The following PDGFC variants were observed in gnomAD, a reference collection of about 807,000 sequenced individuals.
PDGFC encodes the protein platelet derived growth factor C.
In PDGFC, 12 loss-of-function variants were observed where a neutral mutation model predicts 35.5. The observed-to-expected ratio is 0.34, with a 90% CI of 0.22 to 0.55. PDGFC has a LOEUF of 0.55. Ranked by LOEUF, PDGFC falls within the 20% of genes least tolerant of loss-of-function variation. The probability of loss-of-function intolerance (pLI) is 0.91; values close to 1 mark genes in which losing one functional copy is unlikely to be tolerated. For synonymous variants in PDGFC, 159 were observed against 148.8 expected (o/e 1.07, Z -0.50); for missense variants, 322 against 412.4 (o/e 0.78, Z 1.90).
At chr4:156,823,030 A>C (rs986026088) in intron 2 of PDGFC, among the ~76,000 whole-genome samples, 3 of 152,038 alleles carry the variant, frequency 2.0e-5, no homozygotes, top group African/African-American at 7.2e-5. Context: ...CACAGCACCC[A>C]GCCCAGAGCT....
intron 3 of PDGFC, among the ~76,000 whole-genome samples, chr4:156,785,819 C>G (rs1358564443): frequency 6.6e-6 from 1 of 152,120 alleles, no homozygotes; most frequent in Non-Finnish European, 1.5e-5. Flanking sequence ...GGTGCAAAGT[C>G]ACAGTGAGAT....
At chr4:156,773,567 A>G (rs1730744405) in intron 3 of PDGFC, 1 of 152,220 alleles carries the variant, frequency 6.6e-6, no homozygotes, top group Non-Finnish European at 1.5e-5. Flanking sequence ...AATGCAATGG[A>G]AGAAAAATGG....
At chr4:156,831,376 G>A (rs1728927557) in intron 2 of PDGFC, among the ~76,000 whole-genome samples, 1 of 151,802 alleles carries the variant, frequency 6.6e-6, no homozygotes, top group Admixed American at 6.6e-5. Flanking sequence ...GGGTGGCTGA[G>A]GCAGGAGGAT....
At chr4:156,889,569 A>C (rs1351071059) in intron 1 of PDGFC, among the ~76,000 whole-genome samples, 1 of 152,202 alleles carries the variant, frequency 6.6e-6, no homozygotes, top group African/African-American at 2.4e-5. Context: ...TATGATGACA[A>C]TACTGTAAGT....
At position 156,918,946 on chromosome 4, in the gene PDGFC, T is replaced by C. The variant is rs80176463; in HGVS notation, c.118+51840A>G. Among the ~76,000 whole-genome samples, 155 of 152,326 alleles carry C rather than the reference T, an allele frequency of 1.0e-3. 1 individual carries two copies. The East Asian group carries it at 0.023, about 23-fold the overall frequency. Reference sequence around the variant, plus strand: ...GGTATTATATTTAATTATATTGTACTATAATAAAGCTAACGCCAAAAAGTC... The same window carrying C: ...GGTATTATATTTAATTATATTGTACCATAATAAAGCTAACGCCAAAAAGTC... On this transcript the variant is annotated intron_variant, in intron 1 of 5. Coordinates refer to ENST00000502773, the MANE Select transcript of PDGFC (RefSeq NM_016205.3).
chr4:156,964,283 T>A (rs566510494), intron 1 of PDGFC, among the ~76,000 whole-genome samples: 86 of 151,712 alleles, frequency 5.7e-4, no homozygotes, highest in Middle Eastern at 3.4e-3. Flanking sequence ...CCTTCATCTA[T>A]ATACTTGCTT....
intron 1 of PDGFC, among the ~76,000 whole-genome samples, chr4:156,945,381 AT>A (rs1731921560): frequency 5.4e-5 from 7 of 128,500 alleles, no homozygotes; most frequent in African/African-American, 6.1e-5. Context: ...ATATATATAT[AT>A]ATATATATAA....
chr4:156,776,689 A>G (rs1373755666), intron 3 of PDGFC, among the ~76,000 whole-genome samples: 2 of 152,234 alleles, frequency 1.3e-5, no homozygotes, highest in Non-Finnish European at 2.9e-5. Flanking sequence ...TAAGGATCCT[A>G]TGCAAAATCG....
intron 1 of PDGFC, among the ~76,000 whole-genome samples, chr4:156,947,603 T>C (rs935493770): frequency 6.6e-6 from 1 of 151,962 alleles, no homozygotes; most frequent in Non-Finnish European, 1.5e-5. Context: ...TAATGAGAGG[T>C]GGTATCACAA....
intron 2 of PDGFC, among the ~76,000 whole-genome samples, chr4:156,838,185 T>C (rs1196211209): frequency 6.6e-6 from 1 of 152,182 alleles, no homozygotes; most frequent in Non-Finnish European, 1.5e-5. Flanking sequence ...TGCTTATCTG[T>C]CCTAAGCACC....
rs376940343 is a variant in PDGFC at position 156,820,458 on chromosome 4, CA to C, written c.315-9442del. On this transcript the variant is annotated intron_variant, in intron 2 of 5. Coordinates refer to ENST00000502773, the MANE Select transcript of PDGFC (RefSeq NM_016205.3). ...CCACCACATTGAGGCAGGATGTGAG[CA>C]AAAAGATGAGAACTCAAATTTCTGA... is the stretch of plus-strand genomic sequence containing the variant. 1.6e-3 allele frequency among the ~76,000 whole-genome samples: 251 copies of C among 152,264 alleles called. 11 individuals carry two copies. In the South Asian group the frequency reaches 0.05, roughly 31 times the overall value.
At chr4:156,957,159 G>A (rs532213804) in intron 1 of PDGFC, among the ~76,000 whole-genome samples, 14 of 151,994 alleles carry the variant, frequency 9.2e-5, no homozygotes, top group East Asian at 1.9e-4. Context: ...CAATATCAAC[G>A]GTAGGAGAAC....
intron 1 of PDGFC, among the ~76,000 whole-genome samples, chr4:156,912,023 T>C (rs1731050987): frequency 6.6e-6 from 1 of 152,044 alleles, no homozygotes; most frequent in Non-Finnish European, 1.5e-5. Flanking sequence ...AGAGTATGAA[T>C]CTGAGAGACT....
In PDGFC at chr4:156,826,475, T is replaced by A. The variant is rs76842803; in HGVS notation, c.315-15458A>T. 8.2e-3 allele frequency among the ~76,000 whole-genome samples: 1,249 copies of A among 152,152 alleles called. 86 individuals are homozygous for A. The East Asian group carries it at 0.17, about 21-fold the overall frequency. On this transcript the variant is annotated intron_variant, in intron 2 of 5. Coordinates refer to ENST00000502773, the MANE Select transcript of PDGFC (RefSeq NM_016205.3). Reference sequence around the variant, plus strand: ...AGCTTGGCCTCTCAAAGTGTTGGGGTACAGGAATGAGCCACCATGCCATTG... The same window carrying A: ...AGCTTGGCCTCTCAAAGTGTTGGGGAACAGGAATGAGCCACCATGCCATTG...
In PDGFC at chr4:156,762,027, T is replaced by C. The variant is rs182906093; in HGVS notation, c.*1063A>G. 1.3e-5 allele frequency: 2 copies of C among 152,786 alleles called. No individual in the cohort carries two copies. Among genetic ancestry groups the C allele is most frequent in the East Asian group, 3.9e-4 (2 of 5,182 alleles). 9.5% of individuals were successfully genotyped at this position (152,786 alleles called of 1,614,324 possible). On this transcript the variant is annotated 3_prime_UTR_variant, in exon 6 of 6. Transcript: ENST00000502773. Reference sequence around the variant, plus strand: ...ATGTCTACTTTCATAAGTTGCTTTTTATTTTCATCTCCAATAACAGGAATG... The same window carrying C: ...ATGTCTACTTTCATAAGTTGCTTTTCATTTTCATCTCCAATAACAGGAATG...
chr4:156,877,385 T>C (rs1354008161), intron 1 of PDGFC, among the ~76,000 whole-genome samples: 1 of 152,168 alleles, frequency 6.6e-6, no homozygotes, highest in Non-Finnish European at 1.5e-5. Flanking sequence ...TAAAAATTAC[T>C]CATGACAAAT....
In PDGFC at chr4:156,881,200, G is replaced by A. The variant is rs114685128; in HGVS notation, c.119-30784C>T. 4.1e-3 allele frequency among the ~76,000 whole-genome samples: 627 copies of A among 152,292 alleles called. 2 individuals carry two copies. The highest frequency in any genetic ancestry group is 0.01 in the Middle Eastern group (3 of 294). ...TGAACAGTCAGCAGCCATTAACATT[G>A]AGGCAAAACCCTCTAACAGCAAAAA... is the stretch of plus-strand genomic sequence containing the variant. On this transcript the variant is annotated intron_variant, in intron 1 of 5. Transcript: ENST00000502773.
intron 2 of PDGFC, among the ~76,000 whole-genome samples, chr4:156,833,357 G>C (rs1010438767): frequency 2.0e-5 from 3 of 152,166 alleles, no homozygotes; most frequent in Non-Finnish European, 4.4e-5. Flanking sequence ...TGTGACTATA[G>C]GAAAGTAAAT....
intron 2 of PDGFC, among the ~76,000 whole-genome samples, chr4:156,822,356 C>CAA (rs397878245): frequency 0.17 from 11,946 of 69,980 alleles, 1,761 homozygotes; most frequent in South Asian, 0.3. Flanking sequence ...GAAACTGTCT[C>CAA]AAAAAAAAAA....
Sources: gnomAD v4.1 joint callset for allele counts (sites outside exome capture counted in the v4.1 genomes callset) on GRCh38, gnomAD v4.1.1 for gene constraint, MANE v1.5 for transcripts, NCBI Gene and HGNC (gene_info 2026-07-23, HGNC 2026-07-21) for gene names.